Variants in FSD1L observed in about 807,000 individuals in gnomAD.
FSD1L encodes the protein fibronectin type III and SPRY domain containing 1 like.
FSD1L carries 45 observed loss-of-function variants against 71.6 expected under a neutral mutation model. The observed-to-expected ratio is 0.63, with a 90% confidence interval of 0.49 to 0.81. The LOEUF (loss-of-function observed/expected upper bound fraction) is 0.81, where lower values mean the gene tolerates loss of function less well. Ranked by LOEUF, FSD1L falls within the 30% of genes least tolerant of loss-of-function variation. FSD1L has a pLI of 0.00. For missense variants in FSD1L, 561 were observed against 618.1 expected (o/e 0.91, Z 0.98); for synonymous variants, 197 against 207.2 (o/e 0.95, Z 0.42).
At chr9:105,519,966 G>A (rs2131411206) in intron 10 of FSD1L, among the ~76,000 whole-genome samples, 1 of 152,348 alleles carries the variant, frequency 6.6e-6, no homozygotes, top group East Asian at 1.9e-4. Flanking sequence ...GGAGGTGGCG[G>A]CCCTGGCCTG....
At chr9:105,462,219 G>GT (rs775069927) in intron 2 of FSD1L, among the ~76,000 whole-genome samples, 1,391 of 134,664 alleles carry the variant, frequency 0.01, 10 homozygotes, top group South Asian at 0.024. Context: ...TTTAAGTTTT[G>GT]TTTTTTTTTT....
rs543339738 is a variant in FSD1L at position 105,490,133 on chromosome 9, C to T, written c.586+5631C>T. Among the ~76,000 whole-genome samples, 163 of 152,250 alleles carry T rather than the reference C, an allele frequency of 1.1e-3. 1 individual carries two copies. The highest frequency in any genetic ancestry group is 2.1e-3 in the Admixed American group (32 of 15,290). ...TACAGTCCCACCAACAGTGTAAAAG[C>T]GTTCCTATTTCTCCACATCCTCTCC... On this transcript the variant is annotated intron_variant, in intron 7 of 13. Transcript: ENST00000481272.
At chr9:105,497,612 G>C (rs1368715248) in intron 7 of FSD1L, among the ~76,000 whole-genome samples, 1 of 152,240 alleles carries the variant, frequency 6.6e-6, no homozygotes, top group East Asian at 1.9e-4. Context: ...CATAGAATTG[G>C]TCCTTTTGGG....
chr9:105,484,409 T>C lies in FSD1L; in HGVS notation c.493T>C (p.Ser165Pro). Reference protein sequence around the residue: ...RVTMASAFRLSLKPKVSDNMT... With the variant: ...RVTMASAFRLPLKPKVSDNMT... ...CACAATGGCTTCAGCCTTTCGCCTT[T>C]CTTTGAAACCAAAGGTCAGTGACAA... The change falls in exon 7 of 14, where the codon TCT becomes CCT. Residue 165 changes from serine (S) to proline (P), a missense_variant. Physicochemically the swap from Ser to Pro is moderately conservative, Grantham distance 74. This residue lies in a region of FSD1L where 410 missense variants were observed against 413.5 expected (regional missense o/e 0.99). Transcript: ENST00000481272. 2.0e-6 allele frequency: 3 copies of C among 1,526,758 alleles called. No individual in the cohort carries two copies. Among genetic ancestry groups the C allele is most frequent in the Non-Finnish European group, 2.6e-6 (3 of 1,137,798 alleles). 94.6% of individuals were successfully genotyped at this position (1,526,758 alleles called of 1,614,324 possible). A position where few individuals can be genotyped will look rare whatever the true frequency, so the allele number is the denominator to read the frequency against.
intron 13 of FSD1L, among the ~76,000 whole-genome samples, chr9:105,543,182 A>G (rs1836740719): frequency 6.6e-6 from 1 of 152,176 alleles, no homozygotes; most frequent in African/African-American, 2.4e-5. Flanking sequence ...ATTCTTTGGT[A>G]TAATAATCTA....
chr9:105,503,493 T>C (rs1486250102), intron 7 of FSD1L, among the ~76,000 whole-genome samples: 1 of 152,180 alleles, frequency 6.6e-6, no homozygotes, highest in East Asian at 1.9e-4. Context: ...CCTTTCTCCT[T>C]TCTGGAGCTA....
In FSD1L at chr9:105,479,318, C is replaced by T. The variant is rs750399276; in HGVS notation, c.442-36C>T. On this transcript the variant is annotated intron_variant, in intron 5 of 13. Transcript: ENST00000481272. ...TTGAAACTTGCATGAAAAGCACTAACTTGCCTTCTTTCTCTTCTCCCTGAT... is the reference window on the plus strand; with the variant it reads ...TTGAAACTTGCATGAAAAGCACTAATTTGCCTTCTTTCTCTTCTCCCTGAT... 7 of 1,548,764 alleles carry T rather than the reference C, an allele frequency of 4.5e-6. No individual in the cohort carries two copies. The African/African-American group carries it at 9.6e-5, about 21-fold the overall frequency.
intron 10 of FSD1L, among the ~76,000 whole-genome samples, chr9:105,529,626 G>A (rs1029726322): frequency 2.0e-5 from 3 of 152,010 alleles, no homozygotes; most frequent in Non-Finnish European, 4.4e-5. Flanking sequence ...TGTCGGGGTG[G>A]GGGTCTAGAG....
intron 10 of FSD1L, among the ~76,000 whole-genome samples, chr9:105,513,806 T>A (rs1414990065): frequency 1.3e-5 from 2 of 152,236 alleles, no homozygotes; most frequent in African/African-American, 4.8e-5. Flanking sequence ...ATTTACATTG[T>A]AGTGTGCTGC....
At chr9:105,461,481 G>A (rs1455496850) in intron 1 of FSD1L, 39 bp from the exon 2 acceptor site, 41 of 990,010 alleles carry the variant, frequency 4.1e-5, no homozygotes, top group Non-Finnish European at 5.8e-5. Flanking sequence ...CTTTTTTGAT[G>A]TGGCTGCTAT....
At chr9:105,533,327 A>G (rs1244157427) in intron 10 of FSD1L, among the ~76,000 whole-genome samples, 1 of 150,926 alleles carries the variant, frequency 6.6e-6, no homozygotes, top group Admixed American at 6.6e-5. Context: ...AGAGGAAGTC[A>G]AGGTGGATCT....
intron 7 of FSD1L, among the ~76,000 whole-genome samples, chr9:105,489,559 G>C (rs1832781956): frequency 6.6e-6 from 1 of 151,982 alleles, no homozygotes; most frequent in African/African-American, 2.4e-5. Flanking sequence ...CAATGTGCAG[G>C]TTAGTTACAT....
In FSD1L at chr9:105,552,008, T is replaced by G. The variant is rs1159206753; in HGVS notation, c.*5525T>G. On this transcript the variant is annotated 3_prime_UTR_variant, in exon 14 of 14. Coordinates refer to ENST00000481272, the MANE Select transcript of FSD1L (RefSeq NM_001145313.3). ...AAAGATGAAGCATTTCAAAATCTTG[T>G]TAACCTGGTTATCTCTTGGTATCTC... The G allele has an allele frequency of 6.6e-6, 1 of 152,256 alleles. No individual in the cohort carries two copies. Among genetic ancestry groups the G allele is most frequent in the Non-Finnish European group, 1.5e-5 (1 of 68,036 alleles). The allele number at this position is 152,256 out of a possible 1,614,324, so 9.4% of individuals were successfully genotyped here. A position where few individuals can be genotyped will look rare whatever the true frequency, so the allele number is the denominator to read the frequency against.
Position 105,548,263 on chromosome 9 carries a change from A to G in FSD1L, c.*1780A>G, listed in dbSNP as rs1177668425. 6 of 152,142 alleles carry G rather than the reference A, an allele frequency of 3.9e-5. No individual in the cohort carries two copies. The highest frequency in any genetic ancestry group is 5.9e-5 in the Non-Finnish European group (4 of 67,984). 9.4% of individuals were successfully genotyped at this position (152,142 alleles called of 1,614,324 possible). A position where few individuals can be genotyped will look rare whatever the true frequency, so the allele number is the denominator to read the frequency against. On this transcript the variant is annotated 3_prime_UTR_variant, in exon 14 of 14. Coordinates refer to ENST00000481272, the MANE Select transcript of FSD1L (RefSeq NM_001145313.3). ...GAAATTTTCAGATGTTCTGTTCCCT[A>G]TAGAGGGCCTATTCCAGGATCTAAA...
At chr9:105,524,551 T>C (rs1055320599) in intron 10 of FSD1L, 3 of 1,613,938 alleles carry the variant, frequency 1.9e-6, no homozygotes, top group African/African-American at 2.7e-5. Context: ...TATAAGGTTT[T>C]ACATGGGTGT....
At chr9:105,457,215 C>G (rs1015468218) in intron 1 of FSD1L, among the ~76,000 whole-genome samples, 1 of 152,068 alleles carries the variant, frequency 6.6e-6, no homozygotes, top group African/African-American at 2.4e-5. Context: ...TGAGAGGGCT[C>G]CTAGGTAGAA....
At chr9:105,520,784 A>T (rs1835096819) in intron 10 of FSD1L, 3 of 1,612,468 alleles carry the variant, frequency 1.9e-6, no homozygotes, top group Non-Finnish European at 2.5e-6. Flanking sequence ...TTAATCCTCC[A>T]CTCAACCTTT....
At chr9:105,445,759 C>A (rs1204910058), upstream of FSD1L, among the ~76,000 whole-genome samples, 2 of 152,206 alleles carry the variant, frequency 1.3e-5, no homozygotes, top group Non-Finnish European at 2.9e-5. Context: ...ACCTTTGTGG[C>A]TGCAGCAGTG....
chr9:105,462,787 C>T lies in FSD1L; in HGVS notation c.111+1172C>T, dbSNP rs148321552. On this transcript the variant is annotated intron_variant, in intron 2 of 13. Coordinates refer to ENST00000481272, the MANE Select transcript of FSD1L (RefSeq NM_001145313.3). ...ATCCACCTGCCTGGGCCTCCCATAG[C>T]GCACATGTGTGGTGGCACATGCTTT... 1.6e-4 allele frequency among the ~76,000 whole-genome samples: 23 copies of T among 147,382 alleles called. No individual in the cohort carries two copies. The East Asian group carries it at 4.0e-3, about 25-fold the overall frequency.
Sources: gnomAD v4.1 joint callset for allele counts (sites outside exome capture counted in the v4.1 genomes callset) on GRCh38, gnomAD v4.1.1 for gene constraint, gnomAD v4.1.1 regional missense constraint, MANE v1.5 for transcripts, NCBI Gene and HGNC (gene_info 2026-07-23, HGNC 2026-07-21) for gene names.